LRRC37A2: variants seen among roughly 807,000 people sequenced by gnomAD.
LRRC37A2 encodes the protein leucine-rich repeat-containing protein 37A2.
In LRRC37A2, 9 loss-of-function variants were observed where a neutral mutation model predicts 68.8. The ratio of observed to expected loss-of-function variants is 0.13; its 90% CI spans 0.08 to 0.23. The LOEUF is 0.23. Among genes scored for constraint, LRRC37A2 ranks in the 10% least tolerant of loss-of-function variants. LRRC37A2 has a pLI of 1.00. For synonymous variants in LRRC37A2, 63 were observed against 367.6 expected (o/e 0.17, Z 9.48); for missense variants, 168 against 950.4 (o/e 0.18, Z 10.82).
chr17:46,826,276 A>C, the LRRC37A2 span, among the ~76,000 whole-genome samples: 1 of 152,206 alleles, frequency 6.6e-6, no homozygotes, highest in Non-Finnish European at 1.5e-5. Flanking sequence ...GTGGCCAGCT[A>C]TGGGCCCTGA....
chr17:46,773,128 C>G, the LRRC37A2 span, among the ~76,000 whole-genome samples: 1 of 152,102 alleles, frequency 6.6e-6, no homozygotes, highest in Non-Finnish European at 1.5e-5. Flanking sequence ...GCAAGACGGC[C>G]GGAAAGTTAC....
chr17:46,929,587 G>C, the LRRC37A2 span: 1 of 1,437,308 alleles, frequency 7.0e-7, no homozygotes, highest in Non-Finnish European at 9.8e-7. Context: ...TGTGCACAGT[G>C]AGTAATTAAC....
the LRRC37A2 span, among the ~76,000 whole-genome samples, chr17:46,759,443 G>A: frequency 2.6e-5 from 4 of 152,348 alleles, no homozygotes; most frequent in Admixed American, 6.5e-5. Flanking sequence ...AATATCCAAG[G>A]AGGGATCATG....
chr17:46,735,467 A>T, the LRRC37A2 span, among the ~76,000 whole-genome samples: 1 of 139,740 alleles, frequency 7.2e-6, no homozygotes, highest in South Asian at 2.3e-4. Flanking sequence ...CTTGAGGTTT[A>T]AAAAAAAAAA....
the LRRC37A2 span, among the ~76,000 whole-genome samples, chr17:46,956,715 T>C: frequency 6.6e-6 from 1 of 152,224 alleles, no homozygotes; most frequent in Non-Finnish European, 1.5e-5. Flanking sequence ...ATGTGTCTAC[T>C]GTCTCGTGGC....
At chr17:46,873,103 CACACACA>C in the LRRC37A2 span, among the ~76,000 whole-genome samples, 2 of 151,016 alleles carry the variant, frequency 1.3e-5, no homozygotes, top group Non-Finnish European at 3.0e-5. Flanking sequence ...CACACACACA[CACACACA>C]CACACACACA....
the LRRC37A2 span, chr17:47,027,761 T>C: frequency 1.8e-6 from 1 of 541,930 alleles, no homozygotes. Context: ...AAATCCTTTT[T>C]GTCTCTAGCA....
chr17:46,979,994 C>T, the LRRC37A2 span, among the ~76,000 whole-genome samples: 1 of 152,130 alleles, frequency 6.6e-6, no homozygotes, highest in African/African-American at 2.4e-5. Flanking sequence ...CTTACTGCCT[C>T]CCAACCTTTC....
the LRRC37A2 span, among the ~76,000 whole-genome samples, chr17:46,501,895 C>T: frequency 6.6e-6 from 1 of 151,244 alleles, no homozygotes; most frequent in Admixed American, 6.6e-5. Context: ...ACTATACCCA[C>T]TTTTGTAGCT....
the LRRC37A2 span, among the ~76,000 whole-genome samples, chr17:47,002,188 T>TC: frequency 2.0e-5 from 3 of 152,308 alleles, no homozygotes; most frequent in Middle Eastern, 0.01. Context: ...TGCCAATAGT[T>TC]CATTACTTTT....
the LRRC37A2 span, among the ~76,000 whole-genome samples, chr17:47,037,432 AAAC>A: frequency 2.1e-4 from 32 of 152,306 alleles, no homozygotes; most frequent in African/African-American, 6.0e-4. Flanking sequence ...TCACTCAAAA[AAAC>A]AACAATTGTA....
the LRRC37A2 span, among the ~76,000 whole-genome samples, chr17:46,919,946 C>CA: frequency 9.3e-5 from 14 of 151,016 alleles, no homozygotes; most frequent in East Asian, 9.7e-4. Context: ...GACTCCATCT[C>CA]AAAAAAAAGA....
chr17:46,833,341 A>G, the LRRC37A2 span: 1 of 517,782 alleles, frequency 1.9e-6, no homozygotes, highest in Non-Finnish European at 3.9e-6. Context: ...TCTTGTATCA[A>G]TTGCATGAAA....
chr17:46,906,991 C>T, the LRRC37A2 span, among the ~76,000 whole-genome samples: 1 of 152,182 alleles, frequency 6.6e-6, no homozygotes, highest in Non-Finnish European at 1.5e-5. Context: ...AACTGAAGGT[C>T]AGACTAGTAT....
chr17:46,762,936 A>T, the LRRC37A2 span: 1 of 152,246 alleles, frequency 6.6e-6, no homozygotes, highest in Non-Finnish European at 1.5e-5. Context: ...TTCTCACATA[A>T]AGCAAGTATT....
chr17:46,991,498 C>T, the LRRC37A2 span, among the ~76,000 whole-genome samples: 4 of 151,978 alleles, frequency 2.6e-5, no homozygotes, highest in African/African-American at 9.7e-5. Context: ...TGTGGTGGTG[C>T]ACCCCTGTAA....
At chr17:46,890,215 A>G in the LRRC37A2 span, among the ~76,000 whole-genome samples, 1 of 152,184 alleles carries the variant, frequency 6.6e-6, no homozygotes, top group Non-Finnish European at 1.5e-5. Flanking sequence ...AGTTCAGATT[A>G]GAGCCCATTA....
the LRRC37A2 span, chr17:46,851,737 C>G: frequency 8.0e-7 from 1 of 1,242,476 alleles, no homozygotes; most frequent in Non-Finnish European, 1.0e-6. This position sits in a 1 kb window ranked among gnomAD's most constrained non-coding sequence, Gnocchi z 4.3. Flanking sequence ...CCGCGCCCCC[C>G]GCCCGCTCCC....
At chr17:46,875,755 T>C in the LRRC37A2 span, among the ~76,000 whole-genome samples, 1 of 152,168 alleles carries the variant, frequency 6.6e-6, no homozygotes, top group Non-Finnish European at 1.5e-5. Flanking sequence ...AACTGCCCAC[T>C]TCTCCATTTT....
Sources: allele counts gnomAD v4.1 joint callset (sites outside exome capture counted in the v4.1 genomes callset), GRCh38; gene constraint gnomAD v4.1.1; non-coding constraint Gnocchi (gnomAD v3.1); transcripts MANE v1.5; gene names NCBI Gene and HGNC (gene_info 2026-07-23, HGNC 2026-07-21).